Variants in FGD1 observed in about 807,000 individuals in gnomAD.
The protein encoded by FGD1 is FYVE, RhoGEF and PH domain-containing protein 1.
Under a neutral mutation model 65.0 loss-of-function variants are expected in FGD1, and 12 were observed. The observed-to-expected ratio is 0.18, with a 90% CI of 0.12 to 0.30. The LOEUF (loss-of-function observed/expected upper bound fraction) is 0.30, where lower values mean the gene tolerates loss of function less well. Among genes scored for constraint, FGD1 ranks in the 10% least tolerant of loss-of-function variants. FGD1 has a pLI of 1.00. For synonymous variants in FGD1, 333 were observed against 343.9 expected (o/e 0.97, Z 0.35); for missense variants, 542 against 837.6 (o/e 0.65, Z 4.36).
chrX:54,476,436 C>G, intron 1 of FGD1, among the ~76,000 whole-genome samples: 1 of 109,420 alleles, frequency 9.1e-6, no homozygotes, highest in Non-Finnish European at 1.9e-5. Flanking sequence ...ACTGTAACCT[C>G]AAATTCCTGG....
intron 1 of FGD1, among the ~76,000 whole-genome samples, chrX:54,492,807 G>A (rs1178259609): frequency 2.7e-5 from 3 of 110,015 alleles, no homozygotes; most frequent in African/African-American, 9.9e-5. Flanking sequence ...AGAAACTGAG[G>A]TTCAGAGAAG....
intron 4 of FGD1, 137 bp downstream of exon 4, chrX:54,469,879 A>G: frequency 5.4e-6 from 3 of 554,336 alleles, no homozygotes; most frequent in Non-Finnish European, 9.2e-6. Flanking sequence ...CAGAAAGGGA[A>G]AAGACTTGCC....
chrX:54,453,708 A>G (rs1922430860), intron 12 of FGD1, among the ~76,000 whole-genome samples: 1 of 112,172 alleles, frequency 8.9e-6, no homozygotes, highest in African/African-American at 3.2e-5. Flanking sequence ...CCCTGCATGC[A>G]GAACTGTCCT....
Position 54,455,501 on chromosome X carries a change from C to T in FGD1, c.1962G>A (p.Leu654=). ...MELKESSNLN[L]PRTFLVSGKQ... is the part of the protein sequence containing the mutation. ...TTCCTGACACCAGGAAGGTTCGAGGCAGATTGAGGTTGGAGCTCTCCTTTA... is the reference window on the plus strand; with the variant it reads ...TTCCTGACACCAGGAAGGTTCGAGGTAGATTGAGGTTGGAGCTCTCCTTTA... Residue 654 remains leucine, a synonymous_variant, in exon 12 of 18, where the codon CTG becomes CTA. Coordinates refer to ENST00000375135, the MANE Select transcript of FGD1 (RefSeq NM_004463.3). 8.3e-7 allele frequency: 1 copy of T among 1,211,189 alleles called. No homozygotes were observed. The highest frequency in any genetic ancestry group is 1.8e-5 in the South Asian group (1 of 56,953).
At chrX:54,478,198 T>C (rs942111677) in intron 1 of FGD1, among the ~76,000 whole-genome samples, 1 of 111,655 alleles carries the variant, frequency 9.0e-6, no homozygotes, top group Non-Finnish European at 1.9e-5. Flanking sequence ...CTGGCAACGC[T>C]AGTCAGGGAA....
chrX:54,449,621 G>A (rs1272619932), intron 14 of FGD1, 38 bp downstream of exon 14: 1 of 938,178 alleles, frequency 1.1e-6, no homozygotes, highest in Non-Finnish European at 1.5e-6. Flanking sequence ...AGTCTGGAAG[G>A]GGTCCCAGTG....
At chrX:54,454,340 A>G (rs1922445517) in intron 12 of FGD1, among the ~76,000 whole-genome samples, 1 of 111,961 alleles carries the variant, frequency 8.9e-6, no homozygotes, top group African/African-American at 3.3e-5. Context: ...GTATGTAAAC[A>G]TATCTAAACC....
At chrX:54,467,070 C>A (rs1197236017) in intron 6 of FGD1, among the ~76,000 whole-genome samples, 2 of 111,102 alleles carry the variant, frequency 1.8e-5, no homozygotes, top group East Asian at 5.7e-4. Flanking sequence ...CTGTTCTAAG[C>A]TCTTTTATGT....
chrX:54,470,697 GGGGGGAT>G lies in FGD1; in HGVS notation c.538_544del (p.Ile180LeufsTer33). On this transcript the variant is annotated frameshift_variant, in exon 3 of 18. Transcript: ENST00000375135. LOFTEE classifies it high-confidence loss of function. ...GGCAGGCAGTGGGCGTGATGGTGGA[GGGGGGAT>G]GGGCTCCAGTGGGGGGGGCATCCGG... 1 of 1,014,854 alleles carries G rather than the reference GGGGGGAT, an allele frequency of 9.9e-7. No individual in the cohort carries two copies. The highest frequency in any genetic ancestry group is 1.4e-6 in the Non-Finnish European group (1 of 728,612). 83.6% of individuals were successfully genotyped at this position (1,014,854 alleles called of 1,213,427 possible).
intron 12 of FGD1, among the ~76,000 whole-genome samples, chrX:54,452,535 C>A (rs1419391622): frequency 1.8e-5 from 2 of 110,431 alleles, no homozygotes; most frequent in East Asian, 5.7e-4. Context: ...ATCACAAGGT[C>A]AGGAGTTCAA....
chrX:54,495,541 G>C lies in FGD1; in HGVS notation c.-109C>G, dbSNP rs1239848984. 7.7e-6 allele frequency: 4 copies of C among 522,215 alleles called. No individual in the cohort carries two copies. The highest frequency in any genetic ancestry group is 2.5e-5 in the African/African-American group (1 of 40,108). The allele number at this position is 522,215 out of a possible 1,213,427, so 43.0% of individuals were successfully genotyped here. The stretch of plus-strand genomic sequence containing the variant: ...CCGGCGGAGCAGCGGCCTCAGGATC[G>C]GGGGGCGGGACTGCGGGCTCAGCCC... On this transcript the variant is annotated 5_prime_UTR_variant, in exon 1 of 18. Coordinates refer to ENST00000375135, the MANE Select transcript of FGD1 (RefSeq NM_004463.3).
intron 1 of FGD1, among the ~76,000 whole-genome samples, chrX:54,476,958 C>T (rs1458157164): frequency 8.9e-6 from 1 of 111,965 alleles, no homozygotes; most frequent in East Asian, 2.8e-4. Flanking sequence ...CAGGTGTGTA[C>T]CACCACACCC....
Position 54,446,061 on chromosome X carries a change from T to C in FGD1, c.*48A>G, listed in dbSNP as rs774003420. On this transcript the variant is annotated 3_prime_UTR_variant, in exon 18 of 18. Coordinates refer to ENST00000375135, the MANE Select transcript of FGD1 (RefSeq NM_004463.3). Reference sequence around the variant, plus strand: ...AGGGGCTAGAGCCCCCAATCAGACATGGGCAACTAGAGTGTGGGGTGGGGG... The same window carrying C: ...AGGGGCTAGAGCCCCCAATCAGACACGGGCAACTAGAGTGTGGGGTGGGGG... 40 of 1,049,510 alleles carry C rather than the reference T, an allele frequency of 3.8e-5. No homozygotes were observed. The highest frequency in any genetic ancestry group is 4.4e-5 in the Non-Finnish European group (34 of 766,707). 86.5% of individuals were successfully genotyped at this position (1,049,510 alleles called of 1,213,427 possible).
At chrX:54,474,617 G>A (rs1174812020) in intron 1 of FGD1, among the ~76,000 whole-genome samples, 1 of 113,077 alleles carries the variant, frequency 8.8e-6, no homozygotes, top group East Asian at 2.8e-4. Flanking sequence ...CCACTCAGCT[G>A]TGCCGCTTAC....
intron 12 of FGD1, among the ~76,000 whole-genome samples, chrX:54,453,242 T>C (rs996298070): frequency 3.6e-5 from 4 of 111,412 alleles, no homozygotes; most frequent in African/African-American, 1.3e-4. Flanking sequence ...CATGAGGCTC[T>C]CAATCTCCCC....
At position 54,469,996 on chromosome X, in the gene FGD1, C is replaced by G. The variant is rs146079207; in HGVS notation, c.1101+20G>C. On this transcript the variant is annotated intron_variant, in intron 4 of 17. Coordinates refer to ENST00000375135, the MANE Select transcript of FGD1 (RefSeq NM_004463.3). ...AGGTTCTCCACATGGACCTGCCTCT[C>G]GGTGAACACAGGTCAGTACCTCCAC... is the stretch of plus-strand genomic sequence containing the variant. 2,556 of 1,195,728 alleles carry G rather than the reference C, an allele frequency of 2.1e-3. 40 individuals are homozygous for G. In the African/African-American group the frequency reaches 0.041, roughly 19 times the overall value.
In FGD1 at chrX:54,468,814, G is replaced by A. The variant is rs766366941; in HGVS notation, c.1164C>T (p.Tyr388=). 2.0e-5 allele frequency: 24 copies of A among 1,205,849 alleles called. No homozygotes were observed. Among genetic ancestry groups the A allele is most frequent in the South Asian group, 2.0e-4 (11 of 56,161 alleles). ...GATCCAGGAGATGGAGCCTGGAAAC[G>A]TAGGCCTTCTCAGTTTGCAGGAGCT... ...ANELLQTEKA[Y]VSRLHLLDQV... Residue 388 remains tyrosine (Y), a synonymous_variant, in exon 5 of 18, where the codon TAC becomes TAT. Coordinates refer to ENST00000375135, the MANE Select transcript of FGD1 (RefSeq NM_004463.3).
At chrX:54,488,324 G>A (rs750913381) in intron 1 of FGD1, among the ~76,000 whole-genome samples, 5 of 83,084 alleles carry the variant, frequency 6.0e-5, no homozygotes, top group Admixed American at 3.4e-4. Flanking sequence ...GGTGGCTCAC[G>A]CCTGTAATCC....
intron 1 of FGD1, among the ~76,000 whole-genome samples, chrX:54,482,489 C>T (rs1304366880): frequency 4.5e-5 from 5 of 111,902 alleles, no homozygotes; most frequent in Non-Finnish European, 9.4e-5. Flanking sequence ...GCTGGGAGCA[C>T]TGGGAGCAGT....
Sources: gnomAD v4.1 joint callset for allele counts (sites outside exome capture counted in the v4.1 genomes callset) on GRCh38, gnomAD v4.1.1 for gene constraint, MANE v1.5 for transcripts, NCBI Gene and HGNC (gene_info 2026-07-23, HGNC 2026-07-21) for gene names.